Variants in SORD observed in about 807,000 individuals in gnomAD.
The protein encoded by SORD is (R,R)-butanediol dehydrogenase.
SORD carries 18 observed loss-of-function variants against 35.6 expected under a neutral mutation model. The observed-to-expected ratio is 0.51, with a 90% CI of 0.35 to 0.75. The LOEUF is 0.75. Ranked by LOEUF, SORD falls within the 30% of genes least tolerant of loss-of-function variation. The pLI is 0.01. For synonymous variants in SORD, 106 were observed against 152.9 expected, an observed-to-expected ratio of 0.69 and a Z score of 2.26; for missense variants, 250 against 390.2, an observed-to-expected ratio of 0.64 and a Z score of 3.03.
chr15:45,053,705 A>G (rs1893166065), intron 3 of SORD, among the ~76,000 whole-genome samples: 1 of 151,046 alleles, frequency 6.6e-6, no homozygotes, highest in African/African-American at 2.4e-5. Flanking sequence ...CAGGTTAGTT[A>G]CATATGTATA....
At chr15:45,061,457 A>G (rs1001624328) in intron 4 of SORD, among the ~76,000 whole-genome samples, 3 of 152,154 alleles carry the variant, frequency 2.0e-5, no homozygotes, top group Non-Finnish European at 2.9e-5. Flanking sequence ...CCTTACTTAG[A>G]GCAACAATAG....
Position 45,023,245 on chromosome 15 carries a change from C to A in SORD, c.-39C>A. ...GCGCCACCAGAGCGACCAAACGTCCCGCGCCTTCCAGGCCGCACTCCAGAG... is the reference window on the plus strand; with the variant it reads ...GCGCCACCAGAGCGACCAAACGTCCAGCGCCTTCCAGGCCGCACTCCAGAG... On this transcript the variant is annotated 5_prime_UTR_variant, in exon 1 of 9. Transcript: ENST00000267814. The A allele has an allele frequency of 6.6e-7, 1 of 1,510,748 alleles. No homozygotes were observed. The highest frequency in any genetic ancestry group is 2.5e-5 in the East Asian group (1 of 39,618). 93.6% of individuals were successfully genotyped at this position (1,510,748 alleles called of 1,614,324 possible).
intron 7 of SORD, among the ~76,000 whole-genome samples, chr15:45,071,383 C>T (rs575585123): frequency 6.6e-6 from 1 of 152,176 alleles, no homozygotes; most frequent in Admixed American, 6.5e-5. Context: ...ACCACTCAAA[C>T]CCTGAGTTCA....
intron 3 of SORD, among the ~76,000 whole-genome samples, chr15:45,049,738 G>A (rs1893098126): frequency 6.6e-6 from 1 of 152,138 alleles, no homozygotes; most frequent in Non-Finnish European, 1.5e-5. Context: ...TTATATTACT[G>A]ATCTCTTTTG....
chr15:45,052,431 T>A (rs1457977686), intron 3 of SORD, among the ~76,000 whole-genome samples: 1 of 152,122 alleles, frequency 6.6e-6, no homozygotes, highest in Non-Finnish European at 1.5e-5. Flanking sequence ...AATAGAGGGA[T>A]GTAGGAGGGA....
chr15:45,051,913 G>A (rs1893130671), intron 3 of SORD, among the ~76,000 whole-genome samples: 2 of 152,276 alleles, frequency 1.3e-5, no homozygotes, highest in East Asian at 3.9e-4. Flanking sequence ...ATACCCTTCT[G>A]AATTTAGTCA....
rs867814519 is a variant in SORD, at chr15:45,028,270, T to C, written c.66+4921T>C. Among the ~76,000 whole-genome samples, 10 of 152,380 alleles carry C rather than the reference T, an allele frequency of 6.6e-5. No homozygotes were observed. The Middle Eastern group carries it at 0.014, about 207-fold the overall frequency. On this transcript the variant is annotated intron_variant, in intron 1 of 8. Transcript: ENST00000267814. ...TTGAATGGGGAGGCAGAGGTTGCAG[T>C]GAGCCAAGATCATGCCACTGCACTG...
At chr15:45,050,169 C>A (rs1209223447) in intron 3 of SORD, among the ~76,000 whole-genome samples, 2 of 152,156 alleles carry the variant, frequency 1.3e-5, no homozygotes, top group Non-Finnish European at 2.9e-5. Flanking sequence ...GCAAGCTCTG[C>A]CTCCTGGGTT....
At chr15:45,032,761 A>G (rs377195305) in intron 1 of SORD, among the ~76,000 whole-genome samples, 1 of 152,196 alleles carries the variant, frequency 6.6e-6, no homozygotes, top group Admixed American at 6.5e-5. Context: ...TTTGACCTCA[A>G]GTTTGCCAGG....
At chr15:45,058,180 A>G (rs1825953427) in intron 3 of SORD, among the ~76,000 whole-genome samples, 1 of 152,214 alleles carries the variant, frequency 6.6e-6, no homozygotes, top group African/African-American at 2.4e-5. Context: ...TGGTGCCGAC[A>G]CCGTGATGGG....
intron 3 of SORD, among the ~76,000 whole-genome samples, chr15:45,057,445 C>T (rs1454468216): frequency 6.6e-6 from 1 of 152,086 alleles, no homozygotes; most frequent in African/African-American, 2.4e-5. Context: ...TTGTTAAGAA[C>T]ATGTGTATTA....
At chr15:45,061,358 A>G (rs1893303421) in intron 4 of SORD, 132 bp downstream of exon 4, 5 of 946,802 alleles carry the variant, frequency 5.3e-6, no homozygotes, top group Non-Finnish European at 1.6e-6. Context: ...TGGACAGGCT[A>G]CTCTTCTTGG....
Position 45,023,367 on chromosome 15 carries a change from G to T in SORD, c.66+18G>T, listed in dbSNP as rs200705319. The T allele has an allele frequency of 1.2e-5, 19 of 1,555,394 alleles. No homozygotes were observed. In the East Asian group the frequency reaches 4.5e-4, roughly 37 times the overall value. On this transcript the variant is annotated intron_variant, in intron 1 of 8. Transcript: ENST00000267814. ...TGCGCCTGGTAAGCTGGGAAGGAGG[G>T]TGGGAAGCATACCGATCCTGCCTCA...
chr15:45,049,767 C>T (rs1893098465), intron 3 of SORD, among the ~76,000 whole-genome samples: 1 of 152,126 alleles, frequency 6.6e-6, no homozygotes, highest in South Asian at 2.1e-4. Context: ...GAGTTGCAGC[C>T]AGAGATCGCT....
At chr15:45,062,870 G>T (rs1893343732) in intron 4 of SORD, among the ~76,000 whole-genome samples, 1 of 137,664 alleles carries the variant, frequency 7.3e-6, no homozygotes, top group Admixed American at 7.1e-5. Flanking sequence ...AATAGTGATG[G>T]TACCTCCCTC....
intron 3 of SORD, among the ~76,000 whole-genome samples, chr15:45,053,801 C>CA (rs1288875822): frequency 2.2e-4 from 32 of 142,608 alleles, no homozygotes; most frequent in African/African-American, 5.8e-4. Context: ...CCCATCCCCC[C>CA]ACCCCACCAC....
At chr15:45,062,737 A>C (rs563995678) in intron 4 of SORD, among the ~76,000 whole-genome samples, 37 of 135,362 alleles carry the variant, frequency 2.7e-4, no homozygotes, top group African/African-American at 8.8e-4. Context: ...CACCAAACGA[A>C]AGTTTCATGG....
chr15:45,071,403 C>T (rs1314713751), intron 7 of SORD, among the ~76,000 whole-genome samples: 9 of 152,140 alleles, frequency 5.9e-5, no homozygotes, highest in Admixed American at 3.9e-4. Flanking sequence ...ACCTCTTGCT[C>T]ACGGCACCAC....
Position 45,074,817 on chromosome 15 carries a change from A to G in SORD, c.*1287A>G, listed in dbSNP as rs2141130563. On this transcript the variant is annotated 3_prime_UTR_variant, in exon 9 of 9. Transcript: ENST00000267814. ...CCGATTCTTTCAGATTGCTTTGGGTAATAAATATTGGTGGTGGTATCTGAC... is the reference window on the plus strand; with the variant it reads ...CCGATTCTTTCAGATTGCTTTGGGTGATAAATATTGGTGGTGGTATCTGAC... 1 of 83,862 alleles carries G rather than the reference A, an allele frequency of 1.2e-5. No homozygotes were observed. Among genetic ancestry groups the G allele is most frequent in the Middle Eastern group, 4.0e-3 (1 of 252 alleles). 5.2% of individuals were successfully genotyped at this position (83,862 alleles called of 1,614,324 possible). A position where few individuals can be genotyped will look rare whatever the true frequency, so the allele number is the denominator to read the frequency against.
Sources: allele counts gnomAD v4.1 joint callset (sites outside exome capture counted in the v4.1 genomes callset), GRCh38; gene constraint gnomAD v4.1.1; transcripts MANE v1.5; gene names NCBI Gene and HGNC (gene_info 2026-07-23, HGNC 2026-07-21).